Variants in BAZ2A observed in about 807,000 individuals in gnomAD.
BAZ2A encodes bromodomain adjacent to zinc finger domain protein 2A.
BAZ2A carries 34 observed loss-of-function variants against 199.9 expected under a neutral mutation model. The observed-to-expected ratio is 0.17, with a 90% confidence interval of 0.13 to 0.23. BAZ2A has a LOEUF of 0.23. Ranked by LOEUF, BAZ2A falls within the 10% of genes least tolerant of loss-of-function variation. The pLI is 1.00. For synonymous variants in BAZ2A, 857 were observed against 883.9 expected (o/e 0.97, Z 0.54); for missense variants, 2,002 against 2,391.1 (o/e 0.84, Z 3.39).
At chr12:56,617,302 C>A (rs1950754523) in intron 2 of BAZ2A, 93 bp downstream of exon 2, 6 of 1,282,606 alleles carry the variant, frequency 4.7e-6, no homozygotes. Context: ...GATTTCTCTC[C>A]AGCAGCAAAG....
intron 10 of BAZ2A, among the ~76,000 whole-genome samples, chr12:56,608,427 C>T (rs182507752): frequency 1.3e-5 from 2 of 151,840 alleles, no homozygotes; most frequent in Non-Finnish European, 2.9e-5. Flanking sequence ...AAACATGACA[C>T]GGCTAGATGT....
intron 1 of BAZ2A, among the ~76,000 whole-genome samples, chr12:56,629,454 G>A (rs931928290): frequency 6.6e-6 from 1 of 152,062 alleles, no homozygotes; most frequent in Non-Finnish European, 1.5e-5. Flanking sequence ...CTTCCCTTCT[G>A]CCCCTCAGCC....
At position 56,613,985 on chromosome 12, in the gene BAZ2A, T is replaced by A; in HGVS notation, c.884A>T (p.Asp295Val). 3.1e-6 allele frequency: 5 copies of A among 1,613,688 alleles called. No individual in the cohort carries two copies. Among genetic ancestry groups the A allele is most frequent in the Non-Finnish European group, 3.4e-6 (4 of 1,179,786 alleles). The change falls in exon 4 of 29, where the codon GAC becomes GTC. Residue 295 changes from aspartate (D) to valine (V), a missense_variant. By Grantham distance (152) the Asp-to-Val change is radical. Around this residue, in one of 6 missense-constraint regions of BAZ2A, gnomAD observed 641 missense variants for 694.5 expected, o/e 0.92. Transcript: ENST00000549884. ...CAGAGAGTTGAAGGGCTCCAGAGAG[T>A]CTTCACTGAGGATTGGAGTGTCTTC... ...QLEDTPILSEDSLEPFNSLAP... is the reference protein window; with the variant it reads ...QLEDTPILSEVSLEPFNSLAP...
Position 56,602,045 on chromosome 12 carries a change from C to T in BAZ2A, c.3572G>A (p.Arg1191Gln), listed in dbSNP as rs1325310132. ...TTGCATAGACCCGGGCTTAGTTTTT[C>T]GAGGTCGGCCTCGGGCCCGGGCAGG... ...SSPARARGRP[R>Q]KTKPGSMQPR... The change falls in exon 20 of 29, where the codon CGA (arginine) becomes CAA (glutamine). Residue 1191 changes from arginine (R) to glutamine (Q), a missense_variant. Coordinates refer to ENST00000549884, the MANE Select transcript of BAZ2A (RefSeq NM_001300905.2). 2 of 1,555,520 alleles carry T rather than the reference C, an allele frequency of 1.3e-6. No individual in the cohort carries two copies. Among genetic ancestry groups the T allele is most frequent in the Non-Finnish European group, 8.7e-7 (1 of 1,149,032 alleles).
chr12:56,623,917 C>T (rs1028693385), intron 1 of BAZ2A, among the ~76,000 whole-genome samples: 1 of 152,134 alleles, frequency 6.6e-6, no homozygotes, highest in Non-Finnish European at 1.5e-5. Flanking sequence ...GACGCTTTGG[C>T]TTTTGTATCT....
intron 1 of BAZ2A, among the ~76,000 whole-genome samples, chr12:56,619,296 G>A (rs963682860): frequency 6.7e-6 from 1 of 150,042 alleles, no homozygotes; most frequent in Non-Finnish European, 1.5e-5. Flanking sequence ...AGTGAGCGGA[G>A]ATCATGCCAT....
At chr12:56,626,548 C>CT (rs1164292295) in intron 1 of BAZ2A, among the ~76,000 whole-genome samples, 1 of 152,194 alleles carries the variant, frequency 6.6e-6, no homozygotes, top group Non-Finnish European at 1.5e-5. Context: ...GCCCATACAG[C>CT]TCTCTTTACA....
At chr12:56,615,825 A>G (rs1950699764) in intron 2 of BAZ2A, among the ~76,000 whole-genome samples, 1 of 152,122 alleles carries the variant, frequency 6.6e-6, no homozygotes, top group South Asian at 2.1e-4. Flanking sequence ...GTAGGGGGCT[A>G]GAGAGCTCTC....
Position 56,635,348 on chromosome 12 carries a change from G to A in BAZ2A, c.4+834C>T, listed in dbSNP as rs1164117304. On this transcript the variant is annotated intron_variant, in intron 1 of 29. Transcript: ENST00000379441. This position sits in a 1 kb window ranked among gnomAD's most constrained non-coding sequence, Gnocchi z 4.1. ...CAAAAGAGGCCGGGGAAGGCAGAAA[G>A]AGCTACATGGGCTCCTAGGAGGCCT... 1.3e-5 allele frequency among the ~76,000 whole-genome samples: 2 copies of A among 152,102 alleles called. No homozygotes were observed. The highest frequency in any genetic ancestry group is 4.8e-5 in the African/African-American group (2 of 41,420).
Position 56,600,979 on chromosome 12 carries a change from C to T in BAZ2A, c.4414G>A (p.Asp1472Asn). 6.2e-7 allele frequency: 1 copy of T among 1,613,220 alleles called. No homozygotes were observed. Among genetic ancestry groups the T allele is most frequent in the East Asian group, 2.2e-5 (1 of 44,870 alleles). The change falls in exon 22 of 29, where the codon GAC becomes AAC. Residue 1472 changes from aspartate (D) to asparagine (N), a missense_variant. Asp to Asn is a conservative substitution (Grantham distance 23, BLOSUM62 1). Around this residue, in one of 6 missense-constraint regions of BAZ2A, gnomAD observed 1,081 missense variants for 1,274.7 expected, o/e 0.85. Transcript: ENST00000549884. ...CGCAGGCAGACTTCCTGCAAGAAGT[C>T]CCTGTGCTTGTTAAGGTGTTTGTGA... is the stretch of plus-strand genomic sequence containing the variant. ...ALHKHLNKHR[D>N]FLQEVCLRPS...
intron 3 of BAZ2A, among the ~76,000 whole-genome samples, chr12:56,614,461 G>C (rs1462083652): frequency 6.6e-6 from 1 of 152,160 alleles, no homozygotes; most frequent in Non-Finnish European, 1.5e-5. Flanking sequence ...CTTGTACCAG[G>C]AATCAACTGG....
chr12:56,630,055 C>A, intron 1 of BAZ2A, 70 bp downstream of exon 1: 1 of 917,466 alleles, frequency 1.1e-6, no homozygotes, highest in Non-Finnish European at 1.3e-6. Flanking sequence ...AGCTTCTGTT[C>A]CCCGAGGGAA....
intron 11 of BAZ2A, 67 bp from the exon 12 acceptor site, chr12:56,606,379 A>T: frequency 6.3e-7 from 1 of 1,575,646 alleles, no homozygotes; most frequent in Admixed American, 1.7e-5. Flanking sequence ...GCTAGGATTC[A>T]AAAACAGACA....
intron 1 of BAZ2A, among the ~76,000 whole-genome samples, chr12:56,625,670 G>T (rs28446066): frequency 0.042 from 6,431 of 151,692 alleles, 456 homozygotes; most frequent in African/African-American, 0.15. Context: ...GAGGTCAGGA[G>T]ATCGAGACCA....
At chr12:56,614,185 T>C in intron 3 of BAZ2A, 47 bp from the exon 4 acceptor site, 1 of 1,569,940 alleles carries the variant, frequency 6.4e-7, no homozygotes, top group Non-Finnish European at 8.7e-7. Flanking sequence ...GTGCCTTATA[T>C]TGGTTCACTT....
In BAZ2A at chr12:56,613,169, C is replaced by T; in HGVS notation, c.981G>A (p.Leu327=). The T allele has an allele frequency of 1.2e-6, 2 of 1,614,024 alleles. No homozygotes were observed. Among genetic ancestry groups the T allele is most frequent in the Admixed American group, 1.7e-5 (1 of 60,022 alleles). The change falls in exon 5 of 29, where the codon CTG becomes CTA. Residue 327 remains leucine, a synonymous_variant. Coordinates refer to ENST00000549884, the MANE Select transcript of BAZ2A (RefSeq NM_001300905.2). The part of the protein sequence containing the change: ...DTELMGAEDK[L]PLEDSPVISA... ...AAATCACAGGGCTGTCCTCAAGAGGCAGCTTGTCCTCTGCACCCATCAGCT... is the reference window on the plus strand; with the variant it reads ...AAATCACAGGGCTGTCCTCAAGAGGTAGCTTGTCCTCTGCACCCATCAGCT...
chr12:56,617,544 G>A lies in BAZ2A; in HGVS notation c.-2-12C>T, dbSNP rs778069548. On this transcript the variant is annotated splice_polypyrimidine_tract_variant and intron_variant, in intron 1 of 28. Transcript: ENST00000549884. ...GTTTGCCTCCATTTCTGCAGGAGGG[G>A]AGAGAGAGGGAAAAAAAATACTGGC... 1.9e-5 allele frequency: 30 copies of A among 1,597,992 alleles called. No homozygotes were observed. The highest frequency in any genetic ancestry group is 2.5e-5 in the Non-Finnish European group (29 of 1,172,558).
intron 1 of BAZ2A, among the ~76,000 whole-genome samples, chr12:56,623,358 C>G (rs540967356): frequency 6.6e-6 from 1 of 152,166 alleles, no homozygotes; most frequent in South Asian, 2.1e-4. Context: ...GGCTACCCCC[C>G]AGGACAACAA....
chr12:56,605,249 A>G lies in BAZ2A; in HGVS notation c.2572T>C (p.Phe858Leu), dbSNP rs1178035970. ...AFSDCLTIVEFLHSFGKVLGF... is the reference protein window; with the variant it reads ...AFSDCLTIVELLHSFGKVLGF... ...AGCACCTTGCCAAAGCTATGCAGGA[A>G]CTCCACAATGGTCAAGCAGTCTGAG... The change falls in exon 14 of 29, where the codon TTC (phenylalanine) becomes CTC (leucine). Residue 858 changes from phenylalanine (F) to leucine (L), a missense_variant. Coordinates refer to ENST00000549884, the MANE Select transcript of BAZ2A (RefSeq NM_001300905.2). The G allele has an allele frequency of 1.9e-6, 3 of 1,613,590 alleles. No individual in the cohort carries two copies. Among genetic ancestry groups the G allele is most frequent in the Non-Finnish European group, 2.5e-6 (3 of 1,179,830 alleles).
Sources: allele counts gnomAD v4.1 joint callset (sites outside exome capture counted in the v4.1 genomes callset), GRCh38; gene constraint gnomAD v4.1.1; regional missense constraint gnomAD v4.1.1; non-coding constraint Gnocchi (gnomAD v3.1); transcripts MANE v1.5; gene names NCBI Gene and HGNC (gene_info 2026-07-23, HGNC 2026-07-21).